HORMAD2: variants seen among roughly 807,000 people sequenced by gnomAD.
HORMAD2 encodes HORMA domain-containing protein 2.
A neutral mutation model predicts 38.8 loss-of-function variants in HORMAD2; 45 were observed. That is an observed-to-expected ratio of 1.16 (90% CI 0.91 to 1.49). The LOEUF (loss-of-function observed/expected upper bound fraction) is 1.49. Among genes scored for constraint, HORMAD2 ranks in the 40% most tolerant of loss-of-function variants. The probability of loss-of-function intolerance (pLI) is 0.00; values close to 1 mark genes in which losing one functional copy is unlikely to be tolerated. For synonymous variants in HORMAD2, 126 were observed against 122.8 expected (o/e 1.03, Z -0.17); for missense variants, 338 against 367.0 (o/e 0.92, Z 0.65).
At chr22:30,156,030 C>A (rs1298010010) in intron 10 of HORMAD2, among the ~76,000 whole-genome samples, 1 of 152,164 alleles carries the variant, frequency 6.6e-6, no homozygotes, top group African/African-American at 2.4e-5. Flanking sequence ...GCTCAGGCTC[C>A]AACTCTGGCA....
At chr22:30,163,997 G>A (rs919372999) in intron 10 of HORMAD2, among the ~76,000 whole-genome samples, 3 of 151,878 alleles carry the variant, frequency 2.0e-5, no homozygotes, top group African/African-American at 7.3e-5. Context: ...TCTATTTTCT[G>A]TCTCTATTAA....
chr22:30,154,665 G>A (rs1193822362), intron 10 of HORMAD2, among the ~76,000 whole-genome samples: 1 of 152,168 alleles, frequency 6.6e-6, no homozygotes, highest in Non-Finnish European at 1.5e-5. Flanking sequence ...TGACTTTCAT[G>A]ACCTTGACAT....
At chr22:30,119,188 C>A in intron 8 of HORMAD2, 141 bp downstream of exon 8, 1 of 615,810 alleles carries the variant, frequency 1.6e-6, no homozygotes, top group Non-Finnish European at 2.9e-6. Flanking sequence ...TAAAAAGGGG[C>A]TGCAACAATT....
intron 10 of HORMAD2, among the ~76,000 whole-genome samples, chr22:30,171,485 G>A (rs971927284): frequency 6.6e-6 from 1 of 152,034 alleles, no homozygotes; most frequent in Admixed American, 6.6e-5. Flanking sequence ...GACTCTACCT[G>A]CCAAATATAT....
chr22:30,192,067 G>A, the HORMAD2 span: 1 of 152,324 alleles, frequency 6.6e-6, no homozygotes, highest in South Asian at 2.1e-4. Context: ...GCCAAAGTTT[G>A]AATGAGGGGC....
the HORMAD2 span, among the ~76,000 whole-genome samples, chr22:30,196,718 G>GA: frequency 6.6e-6 from 1 of 152,292 alleles, no homozygotes; most frequent in South Asian, 2.1e-4. Context: ...CTCTCTTAAG[G>GA]AAACTCCACT....
chr22:30,092,987 A>G (rs1326347402), intron 1 of HORMAD2, among the ~76,000 whole-genome samples: 1 of 152,176 alleles, frequency 6.6e-6, no homozygotes, highest in Non-Finnish European at 1.5e-5. Flanking sequence ...TTGTGGTTCC[A>G]TAGGAATTTT....
intron 10 of HORMAD2, among the ~76,000 whole-genome samples, chr22:30,159,523 C>A (rs1006931575): frequency 1.3e-5 from 2 of 152,084 alleles, no homozygotes; most frequent in African/African-American, 2.4e-5. Context: ...AAAAGGGATA[C>A]CCTGTATTTC....
chr22:30,179,806 C>T (rs1028492502), downstream of HORMAD2, among the ~76,000 whole-genome samples: 2 of 152,180 alleles, frequency 1.3e-5, no homozygotes, highest in Non-Finnish European at 2.9e-5. Context: ...CTGATTTACT[C>T]AGCTTCAGGG....
chr22:30,114,007 T>C (rs1921857320), intron 7 of HORMAD2, among the ~76,000 whole-genome samples: 1 of 152,216 alleles, frequency 6.6e-6, no homozygotes, highest in Admixed American at 6.5e-5. Flanking sequence ...ATCATTTTCT[T>C]AGTGTAGTAT....
the HORMAD2 span, among the ~76,000 whole-genome samples, chr22:30,200,649 G>T: frequency 6.6e-6 from 1 of 151,724 alleles, no homozygotes; most frequent in Non-Finnish European, 1.5e-5. Context: ...TTGATCAAGG[G>T]GGGTGGTGGT....
At chr22:30,088,228 T>TATATACACACATATATAC (rs888954315) in intron 1 of HORMAD2, among the ~76,000 whole-genome samples, 26 of 150,092 alleles carry the variant, frequency 1.7e-4, no homozygotes, top group African/African-American at 4.4e-4. Context: ...CATATATACA[T>TATATACACACATATATAC]ATATACACAC....
At chr22:30,161,842 G>T (rs537250399) in intron 10 of HORMAD2, among the ~76,000 whole-genome samples, 2 of 152,092 alleles carry the variant, frequency 1.3e-5, no homozygotes, top group South Asian at 2.1e-4. Flanking sequence ...TAAAAATGTT[G>T]ATTATTATAA....
At chr22:30,197,647 A>G in the HORMAD2 span, among the ~76,000 whole-genome samples, 1 of 152,212 alleles carries the variant, frequency 6.6e-6, no homozygotes, top group African/African-American at 2.4e-5. Context: ...AAAGGAAACC[A>G]GTTATGGACA....
chr22:30,183,868 T>C, the HORMAD2 span, among the ~76,000 whole-genome samples: 3 of 152,234 alleles, frequency 2.0e-5, no homozygotes. Context: ...CCAGTAGCCT[T>C]ACTTCATAGG....
In HORMAD2 at chr22:30,118,908, C is replaced by T. The variant is rs528855213; in HGVS notation, c.343-72C>T. 1.5e-5 allele frequency: 15 copies of T among 1,013,614 alleles called. No individual in the cohort carries two copies. The South Asian group carries it at 2.0e-4, about 13-fold the overall frequency. The allele number at this position is 1,013,614 out of a possible 1,614,324, so 62.8% of individuals were successfully genotyped here. A position where few individuals can be genotyped will look rare whatever the true frequency, so the allele number is the denominator to read the frequency against. ...AGATATACAGTGAAAATGTTCCTTACTTATGATCAGGTAAGATTCTGGATT... is the reference window on the plus strand; with the variant it reads ...AGATATACAGTGAAAATGTTCCTTATTTATGATCAGGTAAGATTCTGGATT... On this transcript the variant is annotated intron_variant, in intron 7 of 10. Transcript: ENST00000336726.
chr22:30,163,802 T>C (rs945202812), intron 10 of HORMAD2, among the ~76,000 whole-genome samples: 3 of 152,170 alleles, frequency 2.0e-5, no homozygotes, highest in Non-Finnish European at 4.4e-5. Flanking sequence ...ATACATAATA[T>C]ATAATTTGCC....
At chr22:30,177,745 T>C (rs1289156392), downstream of HORMAD2, among the ~76,000 whole-genome samples, 2 of 120,364 alleles carry the variant, frequency 1.7e-5, no homozygotes, top group African/African-American at 6.2e-5. Flanking sequence ...TTCAACATAA[T>C]CTCAGCTCAC....
chr22:30,180,569 C>T (rs146813668), downstream of HORMAD2, among the ~76,000 whole-genome samples: 204 of 152,334 alleles, frequency 1.3e-3, 1 homozygote, highest in African/African-American at 4.8e-3. Context: ...TATTTCATCT[C>T]TCTAGCCCCC....
Sources: allele counts gnomAD v4.1 joint callset (sites outside exome capture counted in the v4.1 genomes callset), GRCh38; gene constraint gnomAD v4.1.1; transcripts MANE v1.5; gene names NCBI Gene and HGNC (gene_info 2026-07-23, HGNC 2026-07-21).